Variants in HTR1F observed in about 807,000 individuals in gnomAD.
HTR1F encodes the protein 5-hydroxytryptamine receptor 1F, also known as 5-hydroxytryptamine (serotonin) receptor 1F, G protein-coupled.
A neutral mutation model predicts 24.0 loss-of-function variants in HTR1F; 17 were observed. The ratio of observed to expected loss-of-function variants is 0.71; its 90% CI spans 0.48 to 1.06. The LOEUF is 1.06. Ranked by LOEUF, HTR1F falls within the 50% of genes least tolerant of loss-of-function variation. The probability of loss-of-function intolerance (pLI) is 0.00; values close to 1 mark genes in which losing one functional copy is unlikely to be tolerated. For missense variants in HTR1F, 391 were observed against 427.8 expected (o/e 0.91, Z 0.76); for synonymous variants, 186 against 156.8 (o/e 1.19, Z -1.39).
At chr3:87,929,040 A>G (rs546753922) in intron 2 of HTR1F, among the ~76,000 whole-genome samples, 1 of 152,334 alleles carries the variant, frequency 6.6e-6, no homozygotes, top group South Asian at 2.1e-4. Context: ...ATCACCTGTC[A>G]GCTGGAGGTA....
At chr3:87,958,302 T>A (rs1204079163) in intron 2 of HTR1F, among the ~76,000 whole-genome samples, 1 of 151,574 alleles carries the variant, frequency 6.6e-6, no homozygotes, top group African/African-American at 2.4e-5. Context: ...TGTTTTTTGT[T>A]TTTGTTTTTG....
chr3:87,807,170 A>G (rs1472427848), intron 1 of HTR1F, among the ~76,000 whole-genome samples: 3 of 151,966 alleles, frequency 2.0e-5, no homozygotes, highest in East Asian at 3.8e-4. Flanking sequence ...AAAAAATCTC[A>G]TTGGTATTTT....
At chr3:87,980,996 TG>T (rs533025798) in intron 2 of HTR1F, among the ~76,000 whole-genome samples, 8 of 151,914 alleles carry the variant, frequency 5.3e-5, no homozygotes, top group Non-Finnish European at 1.2e-4. Context: ...CTGCTGCACC[TG>T]GGGGGGTGGG....
At chr3:87,941,446 C>T (rs1448926130) in intron 2 of HTR1F, among the ~76,000 whole-genome samples, 1 of 152,128 alleles carries the variant, frequency 6.6e-6, no homozygotes, top group Non-Finnish European at 1.5e-5. Flanking sequence ...GGTTTGGAAA[C>T]CTTGTAGCCA....
Position 87,878,788 on chromosome 3 carries a change from T to C in HTR1F, c.-43+56664T>C, listed in dbSNP as rs111392218. On this transcript the variant is annotated intron_variant, in intron 2 of 2. Coordinates refer to ENST00000319595, the MANE Select transcript of HTR1F (RefSeq NM_001322209.2). Reference sequence around the variant, plus strand: ...GTTTTCCTCCACTAAGTAAAAGTTATATGTTGCTGGTTGGTTTATGTCTTG... The same window carrying C: ...GTTTTCCTCCACTAAGTAAAAGTTACATGTTGCTGGTTGGTTTATGTCTTG... 2.9e-4 allele frequency among the ~76,000 whole-genome samples: 44 copies of C among 152,130 alleles called. 1 individual carries two copies. Among genetic ancestry groups the C allele is most frequent in the Non-Finnish European group, 1.0e-4 (7 of 68,028 alleles).
At chr3:87,930,803 GCTA>G (rs199808912) in intron 2 of HTR1F, among the ~76,000 whole-genome samples, 89 of 152,086 alleles carry the variant, frequency 5.9e-4, no homozygotes, top group Non-Finnish European at 9.3e-4. Context: ...ATACATATGA[GCTA>G]CTACTACTAT....
chr3:87,980,401 A>G (rs1576117777), intron 2 of HTR1F, among the ~76,000 whole-genome samples: 1 of 152,184 alleles, frequency 6.6e-6, no homozygotes, highest in African/African-American at 2.4e-5. Context: ...TGGGCAGGTC[A>G]TCTTGTCATC....
chr3:87,971,837 G>C (rs1705292109), intron 2 of HTR1F, among the ~76,000 whole-genome samples: 1 of 152,040 alleles, frequency 6.6e-6, no homozygotes, highest in African/African-American at 2.4e-5. Flanking sequence ...AAAATATAAA[G>C]AGCTGCTTTG....
intron 2 of HTR1F, among the ~76,000 whole-genome samples, chr3:87,826,187 C>G (rs1356463282): frequency 6.6e-6 from 1 of 152,122 alleles, no homozygotes; most frequent in Non-Finnish European, 1.5e-5. Context: ...ATTTGGGGAC[C>G]AAGGATATCT....
At chr3:87,887,647 A>C (rs912405913) in intron 2 of HTR1F, among the ~76,000 whole-genome samples, 2 of 152,204 alleles carry the variant, frequency 1.3e-5, no homozygotes, top group African/African-American at 4.8e-5. Flanking sequence ...CAACCCAATC[A>C]AAAAGTGGGC....
At chr3:87,909,339 G>A (rs1334286120) in intron 2 of HTR1F, among the ~76,000 whole-genome samples, 1 of 152,030 alleles carries the variant, frequency 6.6e-6, no homozygotes, top group African/African-American at 2.4e-5. Context: ...ATGTGCTTCA[G>A]TATACCTCTG....
intron 2 of HTR1F, chr3:87,910,300 G>A (rs1223566421): frequency 6.6e-6 from 1 of 151,920 alleles, no homozygotes; most frequent in African/African-American, 2.4e-5. Flanking sequence ...GACACATATG[G>A]TTAAGACATT....
chr3:87,980,705 A>G lies in HTR1F; in HGVS notation c.-42-10003A>G, dbSNP rs138009631. Among the ~76,000 whole-genome samples the G allele has an allele frequency of 2.1e-3, 322 of 152,252 alleles. 1 individual carries two copies. The highest frequency in any genetic ancestry group is 7.4e-3 in the African/African-American group (308 of 41,554). On this transcript the variant is annotated intron_variant, in intron 2 of 2. Transcript: ENST00000319595. ...GAGGGGCATCTGCAGGCCTGCACCTAGCTGCCCTCAGTCCCCCCTCGGCCT... is the reference window on the plus strand; with the variant it reads ...GAGGGGCATCTGCAGGCCTGCACCTGGCTGCCCTCAGTCCCCCCTCGGCCT...
At chr3:87,987,706 TTA>T (rs999713915) in intron 2 of HTR1F, among the ~76,000 whole-genome samples, 4 of 114,084 alleles carry the variant, frequency 3.5e-5, no homozygotes, top group South Asian at 2.6e-4. Context: ...AATATATGTA[TTA>T]TATATATGTA....
At chr3:87,977,441 C>A (rs540368408) in intron 2 of HTR1F, among the ~76,000 whole-genome samples, 3 of 141,196 alleles carry the variant, frequency 2.1e-5, no homozygotes, top group Non-Finnish European at 4.5e-5. Flanking sequence ...CTCTGTCGCC[C>A]AGGCTGGAGT....
At chr3:87,940,456 C>T (rs1200408689) in intron 2 of HTR1F, among the ~76,000 whole-genome samples, 1 of 152,108 alleles carries the variant, frequency 6.6e-6, no homozygotes, top group Non-Finnish European at 1.5e-5. Flanking sequence ...ATGTGAAGGA[C>T]CTCTTCGAAG....
intron 2 of HTR1F, among the ~76,000 whole-genome samples, chr3:87,905,215 C>T (rs755129803): frequency 6.6e-6 from 1 of 151,866 alleles, no homozygotes. Flanking sequence ...GAAGCTGAAG[C>T]AGGAGGATTT....
chr3:87,844,409 T>C (rs1704888307), intron 2 of HTR1F, among the ~76,000 whole-genome samples: 1 of 131,210 alleles, frequency 7.6e-6, no homozygotes, highest in African/African-American at 3.8e-5. Flanking sequence ...TTGGAGTTCA[T>C]TGTAGATTCT....
At chr3:87,891,250 CAA>C (rs1169683325) in intron 2 of HTR1F, among the ~76,000 whole-genome samples, 17 of 152,076 alleles carry the variant, frequency 1.1e-4, no homozygotes, top group African/African-American at 3.9e-4. Context: ...TTCAAATCTT[CAA>C]AGAGATATCT....
Sources: allele counts gnomAD v4.1 joint callset (sites outside exome capture counted in the v4.1 genomes callset), GRCh38; gene constraint gnomAD v4.1.1; transcripts MANE v1.5; gene names NCBI Gene and HGNC (gene_info 2026-07-23, HGNC 2026-07-21).